The following ADGRL3 variants were observed in gnomAD, a reference collection of about 807,000 sequenced individuals.
The protein encoded by ADGRL3 is calcium-independent alpha-latrotoxin receptor 3.
A neutral mutation model predicts 153.5 loss-of-function variants in ADGRL3; 62 were observed. That is an observed-to-expected ratio of 0.40 (90% CI 0.33 to 0.50). The LOEUF (loss-of-function observed/expected upper bound fraction) is 0.50, where lower values mean the gene tolerates loss of function less well. Among genes scored for constraint, ADGRL3 ranks in the 20% least tolerant of loss-of-function variants. The pLI, the probability that ADGRL3 is intolerant of heterozygous loss-of-function variation, is 0.47. For synonymous variants in ADGRL3, 710 were observed against 672.5 expected (o/e 1.06, Z -0.86); for missense variants, 1,641 against 1,859.4 (o/e 0.88, Z 2.16).
At chr4:61,805,902 G>A (rs1253494665) in intron 8 of ADGRL3, among the ~76,000 whole-genome samples, 1 of 152,092 alleles carries the variant, frequency 6.6e-6, no homozygotes, top group Non-Finnish European at 1.5e-5. Context: ...GGTAGACAGA[G>A]AGTTAACATC....
intron 13 of ADGRL3, among the ~76,000 whole-genome samples, chr4:61,925,420 G>A (rs779440407): frequency 2.0e-4 from 30 of 152,056 alleles, no homozygotes; most frequent in Admixed American, 3.3e-4. Flanking sequence ...TTTATGATGC[G>A]TGCATTGTAT....
intron 1 of ADGRL3, among the ~76,000 whole-genome samples, chr4:61,203,188 T>C (rs1329649258): frequency 3.3e-5 from 5 of 152,208 alleles, no homozygotes; most frequent in Non-Finnish European, 7.3e-5. Flanking sequence ...CCTGGAATTC[T>C]CTGGCCACTT....
At chr4:61,514,951 C>T (rs1163024790) in intron 3 of ADGRL3, among the ~76,000 whole-genome samples, 3 of 151,972 alleles carry the variant, frequency 2.0e-5, no homozygotes, top group Non-Finnish European at 4.4e-5. Flanking sequence ...AATCAATTGT[C>T]ATTCTTTGCC....
At chr4:62,042,946 G>A (rs1729149344) in intron 24 of ADGRL3, among the ~76,000 whole-genome samples, 1 of 151,910 alleles carries the variant, frequency 6.6e-6, no homozygotes, top group Non-Finnish European at 1.5e-5. Context: ...GCACATTTTA[G>A]TTTGCATATT....
chr4:61,416,243 GA>G lies in ADGRL3; in HGVS notation c.-174+33061del, dbSNP rs556259814. On this transcript the variant is annotated intron_variant, in intron 2 of 26. Coordinates refer to ENST00000683033, the MANE Select transcript of ADGRL3 (RefSeq NM_001387552.1). ...GAAATATGTCTGTCTCAATTTTGGG[GA>G]AAAAAATGATGGAAATCAAAGAAAC... Among the ~76,000 whole-genome samples, 574 of 151,658 alleles carry G rather than the reference GA, an allele frequency of 3.8e-3. 2 individuals carry two copies. The highest frequency in any genetic ancestry group is 0.013 in the African/African-American group (549 of 41,346).
intron 1 of ADGRL3, among the ~76,000 whole-genome samples, chr4:61,275,198 A>G (rs2093402804): frequency 6.6e-6 from 1 of 152,156 alleles, no homozygotes; most frequent in African/African-American, 2.4e-5. Flanking sequence ...CAATGTTGTC[A>G]GTTGTGCCAT....
intron 1 of ADGRL3, among the ~76,000 whole-genome samples, chr4:61,257,816 T>A (rs2092121789): frequency 6.6e-6 from 1 of 151,468 alleles, no homozygotes. Flanking sequence ...TTTCAATTTA[T>A]TTCGCTTAAT....
intron 5 of ADGRL3, among the ~76,000 whole-genome samples, chr4:61,610,309 G>T (rs745472880): frequency 6.6e-6 from 1 of 151,938 alleles, no homozygotes; most frequent in African/African-American, 2.4e-5. Flanking sequence ...ACTTATGTGC[G>T]TAATGCATTG....
intron 1 of ADGRL3, among the ~76,000 whole-genome samples, chr4:61,224,520 A>G (rs1747046378): frequency 6.6e-6 from 1 of 152,244 alleles, no homozygotes; most frequent in South Asian, 2.1e-4. Context: ...GAGGAAATAC[A>G]GAAAAGTTGG....
At chr4:61,588,294 A>G (rs1169633792) in intron 5 of ADGRL3, among the ~76,000 whole-genome samples, 2 of 151,940 alleles carry the variant, frequency 1.3e-5, no homozygotes, top group Non-Finnish European at 2.9e-5. Context: ...AGATAAAACT[A>G]AACAAATTGA....
At chr4:61,438,946 A>G (rs1421707004) in intron 2 of ADGRL3, among the ~76,000 whole-genome samples, 1 of 151,834 alleles carries the variant, frequency 6.6e-6, no homozygotes, top group Non-Finnish European at 1.5e-5. Context: ...TGACCTCATG[A>G]TCCGCCCACC....
At chr4:61,645,546 G>A (rs2093935340) in intron 5 of ADGRL3, among the ~76,000 whole-genome samples, 1 of 151,864 alleles carries the variant, frequency 6.6e-6, no homozygotes, top group Admixed American at 6.6e-5. Flanking sequence ...CACTTATGAA[G>A]CTTAGTTTGG....
chr4:61,938,725 C>A (rs1243305707), intron 15 of ADGRL3, among the ~76,000 whole-genome samples: 2 of 151,934 alleles, frequency 1.3e-5, no homozygotes, highest in Non-Finnish European at 2.9e-5. Context: ...TGATTGGATG[C>A]ATCTAGCGGA....
At chr4:61,423,662 G>A (rs1403232219) in intron 2 of ADGRL3, among the ~76,000 whole-genome samples, 1 of 152,196 alleles carries the variant, frequency 6.6e-6, no homozygotes, top group Non-Finnish European at 1.5e-5. Context: ...AAATCACAGG[G>A]AGTGTAAGAG....
At chr4:61,588,966 T>C (rs930868411) in intron 5 of ADGRL3, among the ~76,000 whole-genome samples, 1 of 152,100 alleles carries the variant, frequency 6.6e-6, no homozygotes, top group African/African-American at 2.4e-5. Context: ...ATAGAAGCAT[T>C]AGCTCTTTCA....
chr4:61,453,305 A>G (rs1398750947), intron 2 of ADGRL3, among the ~76,000 whole-genome samples: 12 of 152,086 alleles, frequency 7.9e-5, no homozygotes, highest in Admixed American at 7.9e-4. Flanking sequence ...TGGTGGAAAG[A>G]CTCCATTAAG....
intron 12 of ADGRL3, among the ~76,000 whole-genome samples, chr4:61,910,924 A>G (rs1244440575): frequency 6.6e-6 from 1 of 151,788 alleles, no homozygotes; most frequent in African/African-American, 2.4e-5. Context: ...TTCATCTGTA[A>G]AAAACAGGTA....
At chr4:61,549,321 C>T (rs533485834) in intron 4 of ADGRL3, among the ~76,000 whole-genome samples, 1 of 152,040 alleles carries the variant, frequency 6.6e-6, no homozygotes, top group Admixed American at 6.6e-5. Flanking sequence ...CTTTTTCTTG[C>T]CTGATTGTTG....
intron 2 of ADGRL3, among the ~76,000 whole-genome samples, chr4:61,400,671 C>T (rs1186591519): frequency 2.0e-5 from 3 of 151,740 alleles, no homozygotes; most frequent in African/African-American, 7.3e-5. Context: ...AAATTTTAAT[C>T]ACACAAGTTA....
Sources: gnomAD v4.1 joint callset for allele counts (sites outside exome capture counted in the v4.1 genomes callset) on GRCh38, gnomAD v4.1.1 for gene constraint, MANE v1.5 for transcripts, NCBI Gene and HGNC (gene_info 2026-07-23, HGNC 2026-07-21) for gene names.